The following FAM210A variants were observed in gnomAD, a reference collection of about 807,000 sequenced individuals.
FAM210A encodes the protein mitochondrial inner membrane scaffold 1.
Under a neutral mutation model 25.3 loss-of-function variants are expected in FAM210A, and 13 were observed. The ratio of observed to expected loss-of-function variants is 0.51; its 90% CI spans 0.33 to 0.82. The LOEUF is 0.82. Among genes scored for constraint, FAM210A ranks in the 40% least tolerant of loss-of-function variants. The pLI is 0.02. For missense variants in FAM210A, 319 were observed against 323.2 expected (o/e 0.99, Z 0.10); for synonymous variants, 125 against 118.7 (o/e 1.05, Z -0.35).
intron 1 of FAM210A, among the ~76,000 whole-genome samples, chr18:13,698,354 A>AAAG (rs2043712231): frequency 6.9e-6 from 1 of 144,838 alleles, no homozygotes. Flanking sequence ...TCCATCTCAA[A>AAAG]AAAAAAAAAA....
chr18:13,692,602 A>G (rs2043656057), intron 1 of FAM210A, among the ~76,000 whole-genome samples: 1 of 152,220 alleles, frequency 6.6e-6, no homozygotes, highest in South Asian at 2.1e-4. Context: ...TAAGAAACTC[A>G]CTCAAAACTG....
chr18:13,689,393 T>G (rs2043623962), intron 1 of FAM210A, among the ~76,000 whole-genome samples: 1 of 152,182 alleles, frequency 6.6e-6, no homozygotes, highest in Non-Finnish European at 1.5e-5. Flanking sequence ...CATATGATCA[T>G]ATGAATTGGT....
At chr18:13,668,083 T>C (rs760242754) in intron 3 of FAM210A, among the ~76,000 whole-genome samples, 1 of 152,110 alleles carries the variant, frequency 6.6e-6, no homozygotes. Context: ...ACAAAATGCA[T>C]AGGTGTGTTG....
At chr18:13,675,543 T>A (rs112289349) in intron 2 of FAM210A, among the ~76,000 whole-genome samples, 9,201 of 91,932 alleles carry the variant, frequency 0.1, 1,379 homozygotes, top group Non-Finnish European at 0.16. Flanking sequence ...ATTTCCAGTT[T>A]CCTGATTATT....
chr18:13,703,897 A>G (rs1189153894), intron 1 of FAM210A, among the ~76,000 whole-genome samples: 5 of 152,248 alleles, frequency 3.3e-5, no homozygotes, highest in Non-Finnish European at 5.9e-5. Flanking sequence ...CAGGTCAGAT[A>G]TTAGGTTTCC....
rs141960350 is a variant in FAM210A, at chr18:13,713,843, G to A, written c.-29+12486C>T. ...AAAACCTCTGACACCTGACTCAAGC[G>A]ATCCTCCTGCCTCTGCCTCTCAGGT... On this transcript the variant is annotated intron_variant, in intron 1 of 3. Transcript: ENST00000651643. Among the ~76,000 whole-genome samples the A allele has an allele frequency of 1.3e-3, 197 of 151,990 alleles. 2 individuals are homozygous for A. Among genetic ancestry groups the A allele is most frequent in the Non-Finnish European group, 1.1e-3 (78 of 67,978 alleles).
At chr18:13,684,795 C>G (rs999160378) in intron 1 of FAM210A, among the ~76,000 whole-genome samples, 3 of 152,050 alleles carry the variant, frequency 2.0e-5, no homozygotes, top group South Asian at 4.2e-4. Context: ...ACAAGCAGAC[C>G]CCATGCTGGG....
At chr18:13,702,952 A>T (rs11080680) in intron 1 of FAM210A, among the ~76,000 whole-genome samples, 38,695 of 151,952 alleles carry the variant, frequency 0.25, 5,699 homozygotes, top group Non-Finnish European at 0.34. Flanking sequence ...GGACTTTTTT[A>T]AAAAAAAGAC....
chr18:13,725,035 G>A (rs948930492), intron 1 of FAM210A, among the ~76,000 whole-genome samples: 1 of 152,076 alleles, frequency 6.6e-6, no homozygotes, highest in Admixed American at 6.5e-5. Flanking sequence ...GCCTCCCAAC[G>A]GCTGGGATTA....
intron 1 of FAM210A, among the ~76,000 whole-genome samples, chr18:13,705,991 ATTTTTATG>A (rs2043775355): frequency 6.6e-6 from 1 of 152,218 alleles, no homozygotes; most frequent in African/African-American, 2.4e-5. Context: ...GCCACAGTGT[ATTTTTATG>A]GTTCACTGAG....
chr18:13,719,913 C>T (rs115752806), intron 1 of FAM210A, among the ~76,000 whole-genome samples: 3 of 152,104 alleles, frequency 2.0e-5, no homozygotes, highest in Non-Finnish European at 4.4e-5. Context: ...TCTATAAAAT[C>T]GCTCCATGAG....
At chr18:13,721,943 G>A (rs1218365376) in intron 1 of FAM210A, among the ~76,000 whole-genome samples, 3 of 152,044 alleles carry the variant, frequency 2.0e-5, no homozygotes. Context: ...AAAAATTAAC[G>A]GTATAAATTC....
chr18:13,695,956 A>G (rs982530244), intron 1 of FAM210A, among the ~76,000 whole-genome samples: 1 of 152,222 alleles, frequency 6.6e-6, no homozygotes, highest in African/African-American at 2.4e-5. Context: ...ACTAGCAATG[A>G]TACATAAGAA....
chr18:13,685,515 T>A (rs1042589457), intron 1 of FAM210A, among the ~76,000 whole-genome samples: 1 of 152,184 alleles, frequency 6.6e-6, no homozygotes, highest in African/African-American at 2.4e-5. Context: ...CAACCCCTTA[T>A]CTTAATTCAG....
At position 13,671,210 on chromosome 18, in the gene FAM210A, T is replaced by C. The variant is rs932242429; in HGVS notation, c.585+652A>G. Among the ~76,000 whole-genome samples the C allele has an allele frequency of 3.9e-4, 59 of 152,238 alleles. 1 individual carries two copies. The highest frequency in any genetic ancestry group is 2.8e-3 in the Admixed American group (43 of 15,276). On this transcript the variant is annotated intron_variant, in intron 3 of 3. Transcript: ENST00000651643. ...TGGAGGCCCCCCCCTTCTGTCTCTG[T>C]ACAGGGGAGCTTCTTCCTTCTCCCT...
intron 1 of FAM210A, among the ~76,000 whole-genome samples, chr18:13,689,006 G>A (rs530957870): frequency 2.0e-5 from 3 of 152,346 alleles, no homozygotes; most frequent in South Asian, 2.1e-4. Context: ...GGGGTTGAGC[G>A]GGGCAGGCCA....
intron 1 of FAM210A, among the ~76,000 whole-genome samples, chr18:13,695,100 G>A (rs1335256095): frequency 6.6e-6 from 1 of 152,168 alleles, no homozygotes. Flanking sequence ...GCAGCCAACA[G>A]ACACATGAAA....
chr18:13,725,010 G>A (rs976568582), intron 1 of FAM210A, among the ~76,000 whole-genome samples: 4 of 152,132 alleles, frequency 2.6e-5, no homozygotes, highest in Non-Finnish European at 5.9e-5. Flanking sequence ...CTGACCTCGT[G>A]ATCCAACCGC....
rs549667348 is a variant in FAM210A, at chr18:13,705,348, C to G, written c.-29+20981G>C. ...GACACATGGAGAACCAGGATAGCCA[C>G]CTTGTCCTTCCTGAGTCCTTACAGC... On this transcript the variant is annotated intron_variant, in intron 1 of 3. Coordinates refer to ENST00000651643, the MANE Select transcript of FAM210A (RefSeq NM_152352.4). Among the ~76,000 whole-genome samples the G allele has an allele frequency of 2.0e-4, 31 of 152,364 alleles. 1 individual carries two copies. In the South Asian group the frequency reaches 5.8e-3, roughly 28 times the overall value.
Sources: gnomAD v4.1 joint callset for allele counts (sites outside exome capture counted in the v4.1 genomes callset) on GRCh38, gnomAD v4.1.1 for gene constraint, MANE v1.5 for transcripts, NCBI Gene and HGNC (gene_info 2026-07-23, HGNC 2026-07-21) for gene names.